The following SGMS1 variants were observed in gnomAD, a reference collection of about 807,000 sequenced individuals.
The protein encoded by SGMS1 is sphingomyelin synthase 1.
Under a neutral mutation model 46.2 loss-of-function variants are expected in SGMS1, and 13 were observed. The observed-to-expected ratio is 0.28, with a 90% CI of 0.18 to 0.45. The LOEUF (loss-of-function observed/expected upper bound fraction) is 0.45. Ranked by LOEUF, SGMS1 falls within the 20% of genes least tolerant of loss-of-function variation. The pLI is 1.00. For missense variants in SGMS1, 324 were observed against 519.9 expected, an observed-to-expected ratio of 0.62 and a Z score of 3.66; for synonymous variants, 203 against 187.8, an observed-to-expected ratio of 1.08 and a Z score of -0.66.
At chr10:50,373,747 C>G (rs1444130668) in intron 6 of SGMS1, among the ~76,000 whole-genome samples, 1 of 152,134 alleles carries the variant, frequency 6.6e-6, no homozygotes, top group African/African-American at 2.4e-5. Flanking sequence ...TCTGTCAGTA[C>G]AAGAGGTAAA....
intron 5 of SGMS1, among the ~76,000 whole-genome samples, chr10:50,434,107 A>G (rs1849442501): frequency 6.6e-6 from 1 of 152,282 alleles, no homozygotes; most frequent in Non-Finnish European, 1.5e-5. Flanking sequence ...GTCCAGTTCA[A>G]CAACTACTGG....
At chr10:50,620,376 T>A (rs1006009183) in intron 1 of SGMS1, among the ~76,000 whole-genome samples, 4 of 152,184 alleles carry the variant, frequency 2.6e-5, no homozygotes, top group Admixed American at 1.3e-4. Flanking sequence ...TAAAAGTTCC[T>A]CCAGAAGAGA....
intron 6 of SGMS1, among the ~76,000 whole-genome samples, chr10:50,359,210 G>C (rs1848206072): frequency 6.6e-6 from 1 of 152,146 alleles, no homozygotes; most frequent in Non-Finnish European, 1.5e-5. Flanking sequence ...TAGACTTTAG[G>C]CTGTTAGAAG....
chr10:50,315,408 C>T (rs549287891), intron 8 of SGMS1, among the ~76,000 whole-genome samples: 1 of 152,324 alleles, frequency 6.6e-6, no homozygotes, highest in African/African-American at 2.4e-5. Flanking sequence ...GCTCTGTCTG[C>T]ACCCAGAGTG....
chr10:50,553,288 T>C (rs1838163475), intron 2 of SGMS1, among the ~76,000 whole-genome samples: 1 of 152,166 alleles, frequency 6.6e-6, no homozygotes. Context: ...AGCTTTAACA[T>C]TTATTAGTTA....
chr10:50,428,699 C>A (rs1393185835), intron 6 of SGMS1, among the ~76,000 whole-genome samples: 1 of 152,202 alleles, frequency 6.6e-6, no homozygotes, highest in African/African-American at 2.4e-5. Flanking sequence ...AACTACAACA[C>A]CAAATCTGGT....
At chr10:50,529,485 G>A (rs957757006) in intron 2 of SGMS1, among the ~76,000 whole-genome samples, 15 of 152,178 alleles carry the variant, frequency 9.9e-5, no homozygotes, top group African/African-American at 2.2e-4. Context: ...GGGGCTGCCC[G>A]AGGAGGATTA....
chr10:50,427,565 A>G (rs1849345867), intron 6 of SGMS1, among the ~76,000 whole-genome samples: 1 of 152,180 alleles, frequency 6.6e-6, no homozygotes, highest in South Asian at 2.1e-4. Flanking sequence ...GGAAGGGGGG[A>G]AAGAGAAGGT....
intron 5 of SGMS1, among the ~76,000 whole-genome samples, chr10:50,434,883 C>A (rs951535470): frequency 4.5e-3 from 492 of 109,962 alleles, no homozygotes; most frequent in East Asian, 5.4e-3. Flanking sequence ...GACTCCGTCT[C>A]AAAAAAAAAA....
At chr10:50,563,742 CAAAAAA>C (rs60882939) in intron 2 of SGMS1, among the ~76,000 whole-genome samples, 1,356 of 65,764 alleles carry the variant, frequency 0.021, 43 homozygotes, top group African/African-American at 0.088. Flanking sequence ...GACTCCGTCT[CAAAAAA>C]AAAAAAAAAA....
At chr10:50,448,261 T>C (rs1235641452) in intron 5 of SGMS1, among the ~76,000 whole-genome samples, 3 of 151,994 alleles carry the variant, frequency 2.0e-5, no homozygotes, top group South Asian at 4.2e-4. Flanking sequence ...CAAAAAAAAA[T>C]TAATGAAAAA....
intron 6 of SGMS1, among the ~76,000 whole-genome samples, chr10:50,367,601 C>T (rs969354613): frequency 1.3e-5 from 2 of 151,058 alleles, no homozygotes; most frequent in Admixed American, 1.3e-4. Context: ...TAGATCTCTA[C>T]CTAGATCTCC....
chr10:50,602,539 T>C (rs1838658468), intron 1 of SGMS1, among the ~76,000 whole-genome samples: 1 of 152,196 alleles, frequency 6.6e-6, no homozygotes, highest in Non-Finnish European at 1.5e-5. Context: ...ACAGTGTTTA[T>C]TTGGAGCCTG....
At chr10:50,624,501 A>T, upstream of SGMS1, 2 of 776,580 alleles carry the variant, frequency 2.6e-6, no homozygotes, top group Non-Finnish European at 1.6e-6. Context: ...ACAGAAAAAA[A>T]AAGCCTCTGG....
chr10:50,506,465 C>T lies in SGMS1; in HGVS notation c.-498+13366G>A, dbSNP rs148437047. On this transcript the variant is annotated intron_variant, in intron 3 of 10. Transcript: ENST00000361781. ...TCATCTATGCCACACAGATTTCCTT[C>T]CTAATAAAAAAAAAAGTTAGGAGCT... Among the ~76,000 whole-genome samples the T allele has an allele frequency of 4.2e-3, 634 of 152,090 alleles. 5 individuals carry two copies. Among genetic ancestry groups the T allele is most frequent in the African/African-American group, 0.015 (604 of 41,502 alleles).
At chr10:50,316,482 C>T (rs1847339860) in intron 8 of SGMS1, among the ~76,000 whole-genome samples, 1 of 152,160 alleles carries the variant, frequency 6.6e-6, no homozygotes, top group African/African-American at 2.4e-5. Context: ...CAGCTTGGCC[C>T]TCACAAGCTT....
chr10:50,605,801 T>C (rs1374060294), intron 1 of SGMS1, among the ~76,000 whole-genome samples: 5 of 152,198 alleles, frequency 3.3e-5, no homozygotes, highest in Admixed American at 1.3e-4. Flanking sequence ...GTTACATGCA[T>C]AGATTGCATA....
At chr10:50,614,112 T>TA (rs1461595081) in intron 1 of SGMS1, among the ~76,000 whole-genome samples, 2 of 80,568 alleles carry the variant, frequency 2.5e-5, no homozygotes, top group Non-Finnish European at 5.9e-5. Context: ...GAAGTCTTTC[T>TA]TTTTTTTTTT....
At chr10:50,365,255 C>CAAAAAAAAAAAAAAAAAA (rs67951872) in intron 6 of SGMS1, among the ~76,000 whole-genome samples, 13 of 45,022 alleles carry the variant, frequency 2.9e-4, no homozygotes, top group Non-Finnish European at 4.7e-4. Flanking sequence ...TCCATCTCAC[C>CAAAAAAAAAAAAAAAAAA]AAAAAAAAAA....
Sources: allele counts gnomAD v4.1 joint callset (sites outside exome capture counted in the v4.1 genomes callset), GRCh38; gene constraint gnomAD v4.1.1; transcripts MANE v1.5; gene names NCBI Gene and HGNC (gene_info 2026-07-23, HGNC 2026-07-21).